The following FMNL2 variants were observed in gnomAD, a reference collection of about 807,000 sequenced individuals.
FMNL2 encodes formin-like protein 2.
FMNL2 carries 51 observed loss-of-function variants against 130.2 expected under a neutral mutation model. The observed-to-expected ratio is 0.39, with a 90% CI of 0.31 to 0.49. The LOEUF (loss-of-function observed/expected upper bound fraction) is 0.49, where lower values mean the gene tolerates loss of function less well. Ranked by LOEUF, FMNL2 falls within the 20% of genes least tolerant of loss-of-function variation. The pLI, the probability that FMNL2 is intolerant of heterozygous loss-of-function variation, is 0.85. For synonymous variants in FMNL2, 465 were observed against 467.1 expected (o/e 1.00, Z 0.06); for missense variants, 977 against 1,316.2 (o/e 0.74, Z 3.99).
At chr2:152,625,189 A>C (rs1260449933) in intron 15 of FMNL2, 1 of 407,630 alleles carries the variant, frequency 2.5e-6, no homozygotes, top group East Asian at 3.3e-5. Context: ...TAAAAGAAAA[A>C]AAAAAATCAA....
At chr2:152,601,590 C>T (rs1465669206) in intron 9 of FMNL2, among the ~76,000 whole-genome samples, 8 of 149,506 alleles carry the variant, frequency 5.4e-5, no homozygotes, top group South Asian at 2.1e-4. Flanking sequence ...CATGAGCCAC[C>T]GCGCCGGCCG....
At chr2:152,442,836 G>A (rs896893741) in intron 1 of FMNL2, among the ~76,000 whole-genome samples, 10 of 152,146 alleles carry the variant, frequency 6.6e-5, no homozygotes, top group South Asian at 2.1e-4. Flanking sequence ...ATTGTCTGAA[G>A]GGCTTGTTAA....
chr2:152,366,938 T>A (rs910726605), intron 1 of FMNL2, among the ~76,000 whole-genome samples: 2 of 152,096 alleles, frequency 1.3e-5, no homozygotes, highest in Non-Finnish European at 2.9e-5. Flanking sequence ...TGAGCCTTGA[T>A]TGCACCACTG....
chr2:152,605,285 T>C (rs1482894047), intron 9 of FMNL2, among the ~76,000 whole-genome samples: 2 of 151,594 alleles, frequency 1.3e-5, no homozygotes, highest in Non-Finnish European at 2.9e-5. Context: ...GGACTGGTCA[T>C]GTGTGTGCGT....
chr2:152,645,359 T>C lies in FMNL2; in HGVS notation c.3170-2437T>C, dbSNP rs576559849. 13 of 764,866 alleles carry C rather than the reference T, an allele frequency of 1.7e-5. No homozygotes were observed. In the East Asian group the frequency reaches 5.1e-4, roughly 30 times the overall value. The allele number at this position is 764,866 out of a possible 1,614,324, so 47.4% of individuals were successfully genotyped here. ...TAACATGCCTGGGAATGTTGAGCAC[T>C]AAGTTGAGTTGCTTTCCATTTTCAT... is the stretch of plus-strand genomic sequence containing the variant. On this transcript the variant is annotated intron_variant, in intron 25 of 25. Coordinates refer to ENST00000288670, the MANE Select transcript of FMNL2 (RefSeq NM_052905.4).
At chr2:152,515,751 C>T (rs1374135440) in intron 1 of FMNL2, among the ~76,000 whole-genome samples, 1 of 152,152 alleles carries the variant, frequency 6.6e-6, no homozygotes, top group Non-Finnish European at 1.5e-5. Context: ...AACTACTTGT[C>T]AGGATTATAA....
chr2:152,452,939 T>C (rs1028216232), intron 1 of FMNL2, among the ~76,000 whole-genome samples: 1 of 151,980 alleles, frequency 6.6e-6, no homozygotes, highest in Admixed American at 6.6e-5. Flanking sequence ...CGCGGTGGCT[T>C]ATGCCTGTAA....
At position 152,649,556 on chromosome 2, in the gene FMNL2, A is replaced by G. The variant is rs1203940353; in HGVS notation, c.*1651A>G. 6.6e-6 allele frequency: 1 copy of G among 152,570 alleles called. No individual in the cohort carries two copies. The highest frequency in any genetic ancestry group is 1.5e-5 in the Non-Finnish European group (1 of 68,036). 9.5% of individuals were successfully genotyped at this position (152,570 alleles called of 1,614,324 possible). A position where few individuals can be genotyped will look rare whatever the true frequency, so the allele number is the denominator to read the frequency against. On this transcript the variant is annotated 3_prime_UTR_variant, in exon 26 of 26. Transcript: ENST00000288670. The stretch of plus-strand genomic sequence containing the variant: ...ACGATTTTGTCTTTCTGTGGACTCA[A>G]CATTCACTTCGATTAAAAATAGCAA...
chr2:152,635,955 C>CTG (rs1682565277), intron 21 of FMNL2, among the ~76,000 whole-genome samples: 1 of 152,228 alleles, frequency 6.6e-6, no homozygotes. Flanking sequence ...GATGGAACCA[C>CTG]TGCACTCCAG....
At chr2:152,483,516 G>C (rs1173169482) in intron 1 of FMNL2, among the ~76,000 whole-genome samples, 1 of 152,178 alleles carries the variant, frequency 6.6e-6, no homozygotes, top group Non-Finnish European at 1.5e-5. Context: ...TTCTAGACCT[G>C]GCGATGGAAA....
chr2:152,541,403 C>T (rs1182194665), intron 2 of FMNL2, among the ~76,000 whole-genome samples: 1 of 152,080 alleles, frequency 6.6e-6, no homozygotes, highest in Non-Finnish European at 1.5e-5. Context: ...CTTTATTTTT[C>T]CTTTAGAGCT....
chr2:152,601,600 G>A (rs72869596), intron 9 of FMNL2, among the ~76,000 whole-genome samples: 3,083 of 149,304 alleles, frequency 0.021, 49 homozygotes, highest in East Asian at 0.051. Context: ...CGCGCCGGCC[G>A]ATTGCTTTCT....
At chr2:152,465,787 G>A (rs976221720) in intron 1 of FMNL2, among the ~76,000 whole-genome samples, 3 of 152,184 alleles carry the variant, frequency 2.0e-5, no homozygotes, top group Admixed American at 6.5e-5. Flanking sequence ...ACTTTGCCTC[G>A]AGGGCACCTG....
At chr2:152,619,789 T>C (rs1042039617) in intron 15 of FMNL2, 71 bp downstream of exon 15, 94 of 1,547,024 alleles carry the variant, frequency 6.1e-5, no homozygotes, top group Non-Finnish European at 7.9e-5. Context: ...GTTGAAGCTA[T>C]TCTTTCAAAG....
chr2:152,545,720 A>G (rs907522249), intron 3 of FMNL2, among the ~76,000 whole-genome samples: 1 of 152,178 alleles, frequency 6.6e-6, no homozygotes, highest in Non-Finnish European at 1.5e-5. Flanking sequence ...CAGACTGCTC[A>G]TGGATCCTCT....
intron 1 of FMNL2, among the ~76,000 whole-genome samples, chr2:152,427,377 T>C (rs1687253502): frequency 6.6e-6 from 1 of 152,096 alleles, no homozygotes; most frequent in African/African-American, 2.4e-5. Context: ...TGAAACCCAG[T>C]CTCTACTAAA....
In FMNL2 at chr2:152,437,506, A is replaced by G. The variant is rs750755500; in HGVS notation, c.118-84437A>G. Among the ~76,000 whole-genome samples the G allele has an allele frequency of 5.6e-4, 85 of 152,332 alleles. 1 individual carries two copies. Among genetic ancestry groups the G allele is most frequent in the African/African-American group, 1.8e-3 (76 of 41,580 alleles). On this transcript the variant is annotated intron_variant, in intron 1 of 25. Transcript: ENST00000288670. ...GTGAAAAAGATGCTCTAGCCCAGCA[A>G]TAATGGTATTGACTTCATGAAACCA... is the stretch of plus-strand genomic sequence containing the variant.
intron 25 of FMNL2, among the ~76,000 whole-genome samples, chr2:152,644,452 A>G (rs1238075507): frequency 1.3e-5 from 2 of 152,222 alleles, no homozygotes; most frequent in African/African-American, 2.4e-5. Context: ...CGTCCATAGC[A>G]TGATGGAACT....
intron 6 of FMNL2, 77 bp from the exon 7 acceptor site, chr2:152,575,059 T>A (rs1384526093): frequency 1.3e-6 from 1 of 757,944 alleles, no homozygotes; most frequent in African/African-American, 1.8e-5. Flanking sequence ...TGGTGAAGAG[T>A]AGTGTCTGTT....
Sources: allele counts gnomAD v4.1 joint callset (sites outside exome capture counted in the v4.1 genomes callset), GRCh38; gene constraint gnomAD v4.1.1; transcripts MANE v1.5; gene names NCBI Gene and HGNC (gene_info 2026-07-23, HGNC 2026-07-21).